The following ZNF566 variants were observed in gnomAD, a reference collection of about 807,000 sequenced individuals.
ZNF566 encodes the protein zinc finger protein 566.
ZNF566 carries 27 observed loss-of-function variants against 32.8 expected under a neutral mutation model. That is an observed-to-expected ratio of 0.82 (90% CI 0.61 to 1.14). ZNF566 has a LOEUF of 1.14. Among genes scored for constraint, ZNF566 ranks in the 50% most tolerant of loss-of-function variants. ZNF566 has a pLI of 0.00. For synonymous variants in ZNF566, 154 were observed against 159.5 expected (o/e 0.97, Z 0.26); for missense variants, 402 against 490.4 (o/e 0.82, Z 1.70).
At chr19:36,464,918 A>G (rs907605830) in intron 4 of ZNF566, among the ~76,000 whole-genome samples, 2 of 152,232 alleles carry the variant, frequency 1.3e-5, no homozygotes, top group Non-Finnish European at 2.9e-5. Context: ...CAATATTAAC[A>G]CAAAGAATTA....
intron 1 of ZNF566, among the ~76,000 whole-genome samples, chr19:36,480,407 C>G (rs1429350705): frequency 6.6e-6 from 1 of 151,360 alleles, no homozygotes; most frequent in Non-Finnish European, 1.5e-5. Flanking sequence ...GCCTCAGCCT[C>G]TGGAGTAGCT....
intron 1 of ZNF566, among the ~76,000 whole-genome samples, chr19:36,488,452 A>ATATTTGAAATATCT (rs2034226639): frequency 6.6e-6 from 1 of 152,138 alleles, no homozygotes; most frequent in African/African-American, 2.4e-5. Context: ...GAGCAATAAG[A>ATATTTGAAATATCT]TATTTCAAAC....
intron 4 of ZNF566, among the ~76,000 whole-genome samples, chr19:36,450,744 G>A (rs981546663): frequency 1.3e-5 from 2 of 152,228 alleles, no homozygotes; most frequent in African/African-American, 4.8e-5. Flanking sequence ...AATTCCCAGA[G>A]ATCAGTAAAC....
intron 4 of ZNF566, among the ~76,000 whole-genome samples, chr19:36,451,962 A>C (rs2033169113): frequency 6.6e-6 from 1 of 152,024 alleles, no homozygotes. Context: ...AGCCAAGATC[A>C]CACCACTGCA....
At position 36,449,120 on chromosome 19, in the gene ZNF566, A is replaced by C; in HGVS notation, c.1114T>G (p.Cys372Gly). The change falls in exon 5 of 5, where the codon TGT (cysteine) becomes GGT (glycine). Residue 372 changes from cysteine (C) to glycine (G), a missense_variant. Physicochemically the swap from Cys to Gly is radical, Grantham distance 159. Around this residue, in one of 3 missense-constraint regions of ZNF566, gnomAD observed 135 missense variants for 210.0 expected, o/e 0.64. Transcript: ENST00000452939. ...GAACTCTGAGAATAAGCCTTCCCAC[A>C]TATCTTACATTCATAGGGTTTCTCC... ...TGEKPYECKI[C>G]GKAYSQSSQL... is the part of the protein sequence containing the mutation. The C allele has an allele frequency of 1.2e-6, 2 of 1,614,090 alleles. No homozygotes were observed. Among genetic ancestry groups the C allele is most frequent in the Non-Finnish European group, 1.7e-6 (2 of 1,179,992 alleles).
At chr19:36,450,650 G>GATAGATAAATAAATAAATAA (rs1555769153) in intron 4 of ZNF566, among the ~76,000 whole-genome samples, 1 of 151,844 alleles carries the variant, frequency 6.6e-6, no homozygotes, top group African/African-American at 2.4e-5. Flanking sequence ...TCAATAGATA[G>GATAGATAAATAAATAAATAA]ATAAATAAAT....
chr19:36,489,436 G>T (rs545574436), intron 1 of ZNF566, 50 bp downstream of exon 1: 5 of 303,666 alleles, frequency 1.6e-5, no homozygotes, highest in Non-Finnish European at 2.6e-5. Flanking sequence ...CAAAGCCGAG[G>T]CTTGGCCCCC....
Position 36,448,893 on chromosome 19 carries a change from T to C in ZNF566, c.*84A>G. 8.7e-7 allele frequency: 1 copy of C among 1,146,000 alleles called. No homozygotes were observed. Among genetic ancestry groups the C allele is most frequent in the Non-Finnish European group, 1.2e-6 (1 of 828,094 alleles). 71.0% of individuals were successfully genotyped at this position (1,146,000 alleles called of 1,614,324 possible). On this transcript the variant is annotated 3_prime_UTR_variant, in exon 5 of 5. Coordinates refer to ENST00000452939, the MANE Select transcript of ZNF566 (RefSeq NM_001145344.1). ...CAAATAAAATGTTTCTACATTATTC[T>C]ATCTAGAGGAATTATTAACAAGATA...
chr19:36,479,087 A>G (rs2033964180), intron 1 of ZNF566, among the ~76,000 whole-genome samples: 1 of 152,194 alleles, frequency 6.6e-6, no homozygotes, highest in African/African-American at 2.4e-5. Flanking sequence ...CTAACAGGCT[A>G]ATGTATGAGC....
In ZNF566 at chr19:36,448,915, G is replaced by C; in HGVS notation, c.*62C>G. 1 of 1,333,460 alleles carries C rather than the reference G, an allele frequency of 7.5e-7. No individual in the cohort carries two copies. The highest frequency in any genetic ancestry group is 1.0e-6 in the Non-Finnish European group (1 of 983,524). 82.6% of individuals were successfully genotyped at this position (1,333,460 alleles called of 1,614,324 possible). On this transcript the variant is annotated 3_prime_UTR_variant, in exon 5 of 5. Transcript: ENST00000452939. ...TTCTATCTAGAGGAATTATTAACAA[G>C]ATAAATTCTGTTTTGAGCCATAATT...
At position 36,449,281 on chromosome 19, in the gene ZNF566, T is replaced by A; in HGVS notation, c.953A>T (p.Asn318Ile). The A allele has an allele frequency of 6.2e-7, 1 of 1,614,194 alleles. No homozygotes were observed. Among genetic ancestry groups the A allele is most frequent in the Non-Finnish European group, 8.5e-7 (1 of 1,180,024 alleles). Residue 318 changes from asparagine to isoleucine, a missense_variant, in exon 5 of 5, where the codon AAT becomes ATT. Asn to Ile is a moderately radical substitution (Grantham distance 149). Around this residue, in one of 3 missense-constraint regions of ZNF566, gnomAD observed 135 missense variants for 210.0 expected, o/e 0.64. Coordinates refer to ENST00000452939, the MANE Select transcript of ZNF566 (RefSeq NM_001145344.1). ...AAGTTGTGAGCTCTGACTAAAGGCA[T>A]TGCCACATTCCTTACATTCATAGGG... ...EKPYECKECG[N>I]AFSQSSQLIK...
chr19:36,452,898 T>C (rs539004721), intron 4 of ZNF566, among the ~76,000 whole-genome samples: 30 of 152,128 alleles, frequency 2.0e-4, no homozygotes, highest in African/African-American at 7.2e-4. Context: ...AGCGGGCAGA[T>C]CACTAGGTCA....
intron 1 of ZNF566, among the ~76,000 whole-genome samples, chr19:36,485,311 G>A (rs760993018): frequency 1.3e-5 from 2 of 150,826 alleles, no homozygotes; most frequent in Non-Finnish European, 3.0e-5. Flanking sequence ...GAGTGGTGGT[G>A]TGCACCTGTA....
At chr19:36,458,817 C>T (rs1022268350) in intron 4 of ZNF566, among the ~76,000 whole-genome samples, 1 of 152,172 alleles carries the variant, frequency 6.6e-6, no homozygotes. Context: ...AATGTATACA[C>T]ATATATCAAA....
intron 4 of ZNF566, among the ~76,000 whole-genome samples, chr19:36,468,048 G>A (rs2033668347): frequency 6.6e-6 from 1 of 151,076 alleles, no homozygotes; most frequent in African/African-American, 2.5e-5. Context: ...AGCCGGGCGT[G>A]GTGGCGCATG....
chr19:36,456,254 C>T (rs1175149630), intron 4 of ZNF566, among the ~76,000 whole-genome samples: 3 of 150,214 alleles, frequency 2.0e-5, no homozygotes, highest in Non-Finnish European at 4.4e-5. Context: ...AATGAAGACA[C>T]GCCAGGCATG....
intron 4 of ZNF566, among the ~76,000 whole-genome samples, chr19:36,469,759 T>A (rs1304012414): frequency 1.3e-5 from 2 of 152,182 alleles, no homozygotes; most frequent in African/African-American, 4.8e-5. Context: ...AAATATCTTG[T>A]CTCTGAGAAT....
intron 1 of ZNF566, among the ~76,000 whole-genome samples, chr19:36,489,007 A>C (rs1469538378): frequency 6.6e-6 from 1 of 152,152 alleles, no homozygotes; most frequent in Non-Finnish European, 1.5e-5. Context: ...CCGAGGAGGC[A>C]GTCACAGTCA....
At chr19:36,476,725 G>T (rs2033895845) in intron 1 of ZNF566, 109 bp from the exon 2 acceptor site, 4 of 859,292 alleles carry the variant, frequency 4.7e-6, no homozygotes, top group Non-Finnish European at 7.0e-6. Flanking sequence ...TGGGGTATCA[G>T]TGAGGAGAAT....
Sources: gnomAD v4.1 joint callset for allele counts (sites outside exome capture counted in the v4.1 genomes callset) on GRCh38, gnomAD v4.1.1 for gene constraint, gnomAD v4.1.1 regional missense constraint, MANE v1.5 for transcripts, NCBI Gene and HGNC (gene_info 2026-07-23, HGNC 2026-07-21) for gene names.